SLC30A9: variants seen among roughly 807,000 people sequenced by gnomAD.
SLC30A9 encodes solute carrier family 30 member 9.
A neutral mutation model predicts 87.5 loss-of-function variants in SLC30A9; 58 were observed. The observed-to-expected ratio is 0.66, with a 90% CI of 0.54 to 0.82. SLC30A9 has a LOEUF of 0.82. SLC30A9 is among the 40% of genes least tolerant of loss of function. The pLI, the probability that SLC30A9 is intolerant of heterozygous loss-of-function variation, is 0.00. For synonymous variants in SLC30A9, 234 were observed against 233.0 expected (o/e 1.00, Z -0.04); for missense variants, 557 against 679.1 (o/e 0.82, Z 2.00).
intron 8 of SLC30A9, among the ~76,000 whole-genome samples, chr4:42,040,416 T>A (rs1025584446): frequency 6.6e-6 from 1 of 152,166 alleles, no homozygotes; most frequent in Admixed American, 6.5e-5. Flanking sequence ...AGTTAGAGGT[T>A]TGATAGTTTT....
At chr4:42,014,873 A>T (rs1221754416) in intron 2 of SLC30A9, among the ~76,000 whole-genome samples, 3 of 152,168 alleles carry the variant, frequency 2.0e-5, no homozygotes, top group Non-Finnish European at 4.4e-5. Flanking sequence ...TCATGGAGAG[A>T]GAGAGAGTAG....
In SLC30A9 at chr4:42,023,356, T is replaced by C; in HGVS notation, c.582T>C (p.Arg194=). 1.2e-6 allele frequency: 2 copies of C among 1,612,550 alleles called. No homozygotes were observed. The highest frequency in any genetic ancestry group is 1.7e-6 in the Non-Finnish European group (2 of 1,178,606). ...PEALAREKKL[R]KEAEIEYRER... is the part of the protein sequence containing the mutation. ...CTCTTGCCAGAGAGAAAAAATTGCG[T>C]AAGGAAGCAGAAATAGAATACAGAG... Residue 194 remains arginine (R), a synonymous_variant, in exon 6 of 18, where the codon CGT becomes CGC. Transcript: ENST00000264451.
Position 42,089,956 on chromosome 4 carries a change from CAT to C in SLC30A9, c.*3832_*3833del, listed in dbSNP as rs1393954814. On this transcript the variant is annotated 3_prime_UTR_variant, in exon 18 of 18. Coordinates refer to ENST00000264451, the MANE Select transcript of SLC30A9 (RefSeq NM_006345.4). ...TATGGCTTTCAGTGTTACCTTATCTCATAATTTAGGTAATGATTTTTGCTAAA... is the reference window on the plus strand; with the variant it reads ...TATGGCTTTCAGTGTTACCTTATCTCAATTTAGGTAATGATTTTTGCTAAA... 1 of 152,200 alleles carries C rather than the reference CAT, an allele frequency of 6.6e-6. No individual in the cohort carries two copies. Among genetic ancestry groups the C allele is most frequent in the Non-Finnish European group, 1.5e-5 (1 of 68,030 alleles). The allele number at this position is 152,200 out of a possible 1,614,324, so 9.4% of individuals were successfully genotyped here.
chr4:42,049,992 A>G (rs757294960), intron 9 of SLC30A9, among the ~76,000 whole-genome samples: 1 of 152,152 alleles, frequency 6.6e-6, no homozygotes, highest in African/African-American at 2.4e-5. Context: ...TGTGCATCCT[A>G]TTACATTTTA....
At chr4:42,066,985 TATATCTTGATTTTAAATG>T in intron 13 of SLC30A9, 82 bp from the exon 14 acceptor site, 2 of 725,208 alleles carry the variant, frequency 2.8e-6, no homozygotes, top group Non-Finnish European at 4.8e-6. Context: ...TATCTTAACT[TATATCTTGATTTTAAATG>T]GATACTTATT....
chr4:42,080,215 G>T (rs1180464474), intron 17 of SLC30A9, among the ~76,000 whole-genome samples: 1 of 152,164 alleles, frequency 6.6e-6, no homozygotes, highest in Non-Finnish European at 1.5e-5. Flanking sequence ...AAGGTAGGGG[G>T]CACAGTCTAC....
chr4:42,058,025 C>T (rs1717690607), intron 9 of SLC30A9, among the ~76,000 whole-genome samples: 1 of 150,550 alleles, frequency 6.6e-6, no homozygotes, highest in African/African-American at 2.4e-5. Flanking sequence ...TCGCTTGAAC[C>T]TGGGAAGCAG....
chr4:42,077,766 G>T (rs1718611661), intron 16 of SLC30A9, among the ~76,000 whole-genome samples: 1 of 151,666 alleles, frequency 6.6e-6, no homozygotes, highest in Non-Finnish European at 1.5e-5. Flanking sequence ...ATTTTAATGT[G>T]AGATTTGTAA....
chr4:42,001,503 G>T (rs1714982003), intron 1 of SLC30A9, 113 bp from the exon 2 acceptor site: 15 of 526,422 alleles, frequency 2.8e-5, no homozygotes, highest in Non-Finnish European at 4.4e-5. Context: ...TTACAAAATG[G>T]TATTTCATGT....
chr4:42,034,441 CG>C (rs35602091), intron 6 of SLC30A9, among the ~76,000 whole-genome samples: 92,107 of 150,986 alleles, frequency 0.61, 32,598 homozygotes, highest in East Asian at 0.95. Flanking sequence ...TGCCACCCCC[CG>C]GTCCCTGGCA....
chr4:42,078,426 T>A, intron 17 of SLC30A9, 101 bp downstream of exon 17: 1 of 647,408 alleles, frequency 1.5e-6, no homozygotes. Flanking sequence ...ATGCATGCTT[T>A]AACCCACTCA....
At chr4:42,041,613 GCCTGTAGA>G in intron 8 of SLC30A9, among the ~76,000 whole-genome samples, 1 of 152,228 alleles carries the variant, frequency 6.6e-6, no homozygotes, top group South Asian at 2.1e-4. Flanking sequence ...GGTGATGTGC[GCCTGTAGA>G]CCTACTCAGG....
intron 6 of SLC30A9, chr4:42,029,638 G>A: frequency 1.6e-6 from 1 of 636,268 alleles, no homozygotes; most frequent in Non-Finnish European, 2.7e-6. Flanking sequence ...CTTTAATCAA[G>A]AATGAGGTGA....
At position 42,060,233 on chromosome 4, in the gene SLC30A9, G is replaced by T; in HGVS notation, c.883G>T (p.Asp295Tyr). ...CATCAGTAAGTCTGTTCAAACACCA[G>T]ATCCTTCTCATCCGTAAGGACATTG... ...LGISKSVQTP[D>Y]PSHPYGFSNM... The change falls in exon 10 of 18, where the codon GAT becomes TAT. Residue 295 changes from aspartate (D) to tyrosine (Y), a missense_variant. By Grantham distance (160) the Asp-to-Tyr change is radical. Around this residue, in one of 2 missense-constraint regions of SLC30A9, gnomAD observed 467 missense variants for 529.8 expected, o/e 0.88. Transcript: ENST00000264451. 6.2e-7 allele frequency: 1 copy of T among 1,612,066 alleles called. No individual in the cohort carries two copies.
At chr4:42,068,733 A>G (rs1718188916) in intron 14 of SLC30A9, among the ~76,000 whole-genome samples, 1 of 151,906 alleles carries the variant, frequency 6.6e-6, no homozygotes, top group African/African-American at 2.4e-5. Flanking sequence ...TTGCCTTCCT[A>G]TTTCTTTAAT....
chr4:42,008,678 A>T (rs1418955281), intron 2 of SLC30A9, among the ~76,000 whole-genome samples: 2 of 152,212 alleles, frequency 1.3e-5, no homozygotes, highest in East Asian at 1.9e-4. Flanking sequence ...GCTGGAGAAA[A>T]TCCAGACTAT....
In SLC30A9 at chr4:42,066,548, A is replaced by G. The variant is rs772110488; in HGVS notation, c.1073-2A>G. 6.3e-7 allele frequency: 1 copy of G among 1,596,044 alleles called. No homozygotes were observed. The highest frequency in any genetic ancestry group is 8.6e-7 in the Non-Finnish European group (1 of 1,168,928). On this transcript the variant is annotated splice_acceptor_variant, in intron 12 of 17. Transcript: ENST00000264451. LOFTEE classifies it high-confidence loss of function. ...TTGCTGATATGAATGCTTTTCTTTTAGCAACACTTCTTGTTGCTGTAAATG... is the reference window on the plus strand; with the variant it reads ...TTGCTGATATGAATGCTTTTCTTTTGGCAACACTTCTTGTTGCTGTAAATG...
chr4:42,061,258 G>A (rs1470122191), intron 10 of SLC30A9, among the ~76,000 whole-genome samples: 1 of 152,190 alleles, frequency 6.6e-6, no homozygotes, highest in East Asian at 1.9e-4. Context: ...TTGAGCACTT[G>A]AAATGTGGCC....
At chr4:42,058,332 A>G (rs1353999632) in intron 9 of SLC30A9, among the ~76,000 whole-genome samples, 1 of 152,128 alleles carries the variant, frequency 6.6e-6, no homozygotes, top group Non-Finnish European at 1.5e-5. Context: ...ATCTGAGACC[A>G]CCTCAGCCTG....
Sources: gnomAD v4.1 joint callset for allele counts (sites outside exome capture counted in the v4.1 genomes callset) on GRCh38, gnomAD v4.1.1 for gene constraint, gnomAD v4.1.1 regional missense constraint, MANE v1.5 for transcripts, NCBI Gene and HGNC (gene_info 2026-07-23, HGNC 2026-07-21) for gene names.